PLXDC2: variants seen among roughly 807,000 people sequenced by gnomAD.
The protein encoded by PLXDC2 is plexin domain-containing protein 2.
Under a neutral mutation model 68.9 loss-of-function variants are expected in PLXDC2, and 40 were observed. The ratio of observed to expected loss-of-function variants is 0.58; its 90% CI spans 0.45 to 0.76. The LOEUF (loss-of-function observed/expected upper bound fraction) is 0.76. Among genes scored for constraint, PLXDC2 ranks in the 30% least tolerant of loss-of-function variants. PLXDC2 has a pLI of 0.00. For synonymous variants in PLXDC2, 243 were observed against 234.2 expected (o/e 1.04, Z -0.34); for missense variants, 644 against 661.9 (o/e 0.97, Z 0.30).
intron 1 of PLXDC2, among the ~76,000 whole-genome samples, chr10:19,836,259 G>GT (rs924062059): frequency 1.4e-4 from 21 of 152,032 alleles, no homozygotes; most frequent in African/African-American, 4.8e-4. Context: ...AGAAGAGAGG[G>GT]TTTTTTGCCG....
intron 13 of PLXDC2, among the ~76,000 whole-genome samples, chr10:20,255,062 T>C (rs1209643878): frequency 6.6e-6 from 1 of 152,204 alleles, no homozygotes; most frequent in African/African-American, 2.4e-5. Flanking sequence ...CTGAAAATAC[T>C]GAATAAAATA....
intron 1 of PLXDC2, among the ~76,000 whole-genome samples, chr10:19,985,275 A>T (rs1834616597): frequency 6.6e-6 from 1 of 152,310 alleles, no homozygotes; most frequent in Non-Finnish European, 1.5e-5. Flanking sequence ...TTTATTTGTT[A>T]AAATTAACTG....
At position 19,968,590 on chromosome 10, in the gene PLXDC2, G is replaced by A. The variant is rs138380742; in HGVS notation, c.113-33185G>A. Among the ~76,000 whole-genome samples, 1,401 of 152,272 alleles carry A rather than the reference G, an allele frequency of 9.2e-3. 23 individuals carry two copies. The highest frequency in any genetic ancestry group is 0.032 in the African/African-American group (1,319 of 41,550). On this transcript the variant is annotated intron_variant, in intron 1 of 13. Coordinates refer to ENST00000377252, the MANE Select transcript of PLXDC2 (RefSeq NM_032812.9). ...GGCCGCCCAAAGTGCTGGGAATATA[G>A]GCATGAGCCACCGCACCCGGCCCAT...
chr10:20,285,601 C>T lies in PLXDC2; in HGVS notation c.*5782C>T, dbSNP rs1401709344. On this transcript the variant is annotated 3_prime_UTR_variant, in exon 14 of 14. Coordinates refer to ENST00000377252, the MANE Select transcript of PLXDC2 (RefSeq NM_032812.9). Reference sequence around the variant, plus strand: ...ATTTTATCTGTGAGAAAAAAAGTTACTCAAAATTCTCCCTGACCTAAGAAT... The same window carrying T: ...ATTTTATCTGTGAGAAAAAAAGTTATTCAAAATTCTCCCTGACCTAAGAAT... 6.6e-6 allele frequency: 1 copy of T among 152,170 alleles called. No homozygotes were observed. The highest frequency in any genetic ancestry group is 1.5e-5 in the Non-Finnish European group (1 of 68,020). The allele number at this position is 152,170 out of a possible 1,614,324, so 9.4% of individuals were successfully genotyped here.
In PLXDC2 at chr10:20,285,781, T is replaced by C. The variant is rs982444275; in HGVS notation, c.*5962T>C. ...CAAAAAAGCATTTGCACTTTAGGTG[T>C]GTGTGGTGGTTATGTCATTTATTAG... On this transcript the variant is annotated 3_prime_UTR_variant, in exon 14 of 14. Coordinates refer to ENST00000377252, the MANE Select transcript of PLXDC2 (RefSeq NM_032812.9). 6 of 152,182 alleles carry C rather than the reference T, an allele frequency of 3.9e-5. No individual in the cohort carries two copies. The highest frequency in any genetic ancestry group is 1.4e-4 in the African/African-American group (6 of 41,454). 9.4% of individuals were successfully genotyped at this position (152,182 alleles called of 1,614,324 possible).
intron 13 of PLXDC2, among the ~76,000 whole-genome samples, chr10:20,249,173 T>C (rs1170029135): frequency 6.6e-6 from 1 of 152,228 alleles, no homozygotes; most frequent in Non-Finnish European, 1.5e-5. Flanking sequence ...TTAATGTTTG[T>C]ATTCTATTCT....
At chr10:19,859,180 C>A (rs1205082996) in intron 1 of PLXDC2, among the ~76,000 whole-genome samples, 1 of 152,102 alleles carries the variant, frequency 6.6e-6, no homozygotes, top group African/African-American at 2.4e-5. Flanking sequence ...GATCCAAACA[C>A]CTCCCACCAG....
Position 19,865,871 on chromosome 10 carries a change from C to G in PLXDC2, c.112+48680C>G, listed in dbSNP as rs536812179. On this transcript the variant is annotated intron_variant, in intron 1 of 13. Transcript: ENST00000377252. ...CATGATGAACACCTACAATATGATG[C>G]CCTTAAATCCTCCCTCAATTTCCTA... Among the ~76,000 whole-genome samples, 6 of 152,254 alleles carry G rather than the reference C, an allele frequency of 3.9e-5. No homozygotes were observed. The South Asian group carries it at 1.2e-3, about 32-fold the overall frequency.
chr10:19,857,954 T>C (rs1837245899), intron 1 of PLXDC2, among the ~76,000 whole-genome samples: 1 of 152,178 alleles, frequency 6.6e-6, no homozygotes, highest in Admixed American at 6.6e-5. Context: ...TGGGAGACTT[T>C]TAAAAATTGG....
At chr10:19,973,294 ATG>A (rs1554849831) in intron 1 of PLXDC2, among the ~76,000 whole-genome samples, 1 of 145,468 alleles carries the variant, frequency 6.9e-6, no homozygotes, top group East Asian at 2.0e-4. Context: ...ATACATATAT[ATG>A]TATATATATA....
intron 4 of PLXDC2, among the ~76,000 whole-genome samples, chr10:20,116,085 C>T (rs940428788): frequency 1.1e-4 from 17 of 152,210 alleles, no homozygotes; most frequent in Admixed American, 1.1e-3. Flanking sequence ...TGCTCCTCTA[C>T]AAAAGCTGCA....
chr10:20,031,781 G>A (rs1049661352), intron 2 of PLXDC2, among the ~76,000 whole-genome samples: 1 of 151,502 alleles, frequency 6.6e-6, no homozygotes. Context: ...TACAGAATTG[G>A]ACACAATACA....
At chr10:20,063,938 C>G (rs530246075) in intron 3 of PLXDC2, among the ~76,000 whole-genome samples, 1 of 152,124 alleles carries the variant, frequency 6.6e-6, no homozygotes, top group Non-Finnish European at 1.5e-5. Flanking sequence ...AGTTACCATT[C>G]CCCCTTCTTT....
intron 1 of PLXDC2, among the ~76,000 whole-genome samples, chr10:19,992,546 G>T (rs114358660): frequency 0.011 from 1,719 of 152,154 alleles, 36 homozygotes; most frequent in African/African-American, 0.04. Context: ...TAAGATAAGA[G>T]ATTATCATTA....
chr10:20,045,200 G>A (rs965615368), intron 2 of PLXDC2, among the ~76,000 whole-genome samples: 5 of 151,792 alleles, frequency 3.3e-5, no homozygotes, highest in African/African-American at 1.2e-4. Context: ...GTTTTGTTTT[G>A]TTTTTCTGTC....
intron 4 of PLXDC2, among the ~76,000 whole-genome samples, chr10:20,136,873 C>T (rs1833940084): frequency 6.6e-6 from 1 of 152,152 alleles, no homozygotes. Context: ...GTTTCACAAG[C>T]AATTATAGCT....
chr10:20,032,226 G>A (rs1207589773), intron 2 of PLXDC2, among the ~76,000 whole-genome samples: 1 of 152,176 alleles, frequency 6.6e-6, no homozygotes, highest in South Asian at 2.1e-4. Flanking sequence ...GACTAAGGGA[G>A]GATTATTTCA....
chr10:20,136,829 A>G (rs559763422), intron 4 of PLXDC2, among the ~76,000 whole-genome samples: 1 of 152,368 alleles, frequency 6.6e-6, no homozygotes, highest in Admixed American at 6.5e-5. Context: ...AGAATATTTT[A>G]TGGAGTACCT....
At chr10:19,851,986 A>C (rs1837126052) in intron 1 of PLXDC2, among the ~76,000 whole-genome samples, 1 of 152,236 alleles carries the variant, frequency 6.6e-6, no homozygotes, top group Admixed American at 6.5e-5. Context: ...ATACTGGATC[A>C]GGCCACAGAA....
Sources: allele counts gnomAD v4.1 joint callset (sites outside exome capture counted in the v4.1 genomes callset), GRCh38; gene constraint gnomAD v4.1.1; transcripts MANE v1.5; gene names NCBI Gene and HGNC (gene_info 2026-07-23, HGNC 2026-07-21).